The following ABCA10 variants were observed in gnomAD, a reference collection of about 807,000 sequenced individuals.
The protein encoded by ABCA10 is ATP binding cassette subfamily A member 10, also known as ATP-binding cassette sub-family A member 10.
In ABCA10, 169 loss-of-function variants were observed where a neutral mutation model predicts 187.5. The ratio of observed to expected loss-of-function variants is 0.90; its 90% CI spans 0.80 to 1.02. ABCA10 has a LOEUF of 1.02. Ranked by LOEUF, ABCA10 falls within the 50% of genes least tolerant of loss-of-function variation. The pLI is 0.00. For missense variants in ABCA10, 1,727 were observed against 1,812.4 expected, an observed-to-expected ratio of 0.95 and a Z score of 0.86; for synonymous variants, 574 against 601.8, an observed-to-expected ratio of 0.95 and a Z score of 0.68.
intron 31 of ABCA10, 102 bp from the exon 32 acceptor site, chr17:69,154,111 A>C: frequency 6.7e-7 from 1 of 1,484,316 alleles, no homozygotes; most frequent in Non-Finnish European, 9.1e-7. Flanking sequence ...TATTTTTTGA[A>C]TACGCAAGAG....
intron 17 of ABCA10, 59 bp from the exon 18 acceptor site, chr17:69,190,536 T>C: frequency 1.4e-6 from 2 of 1,409,992 alleles, no homozygotes; most frequent in Non-Finnish European, 1.9e-6. Context: ...TATATTAAAA[T>C]ACTAATTTCT....
chr17:69,185,592 C>A lies in ABCA10; in HGVS notation c.2382G>T (p.Met794Ile), dbSNP rs745488102. 2 of 1,612,836 alleles carry A rather than the reference C, an allele frequency of 1.2e-6. No homozygotes were observed. Among genetic ancestry groups the A allele is most frequent in the Non-Finnish European group, 1.7e-6 (2 of 1,179,040 alleles). ...AATGAGTTTCACGAGTTACTTTATA[C>A]ATTATCTTCTCTAGAATGATGGGGA... The part of the protein sequence containing the change: ...AFIPIILEKI[M>I]YKVTRETHCW... Residue 794 changes from methionine to isoleucine, a missense_variant, in exon 20 of 39, where the codon ATG (methionine) becomes ATT (isoleucine). Transcript: ENST00000690296.
At chr17:69,194,932 G>A (rs1267523840) in intron 11 of ABCA10, among the ~76,000 whole-genome samples, 4 of 152,200 alleles carry the variant, frequency 2.6e-5, no homozygotes, top group South Asian at 4.1e-4. Flanking sequence ...TTTCATATTC[G>A]GAGGGAGGTA....
chr17:69,239,261 C>T (rs1351722892), intron 1 of ABCA10, among the ~76,000 whole-genome samples: 1 of 152,110 alleles, frequency 6.6e-6, no homozygotes, highest in African/African-American at 2.4e-5. Context: ...AGTTAGGATT[C>T]TATCCTCTCA....
intron 25 of ABCA10, among the ~76,000 whole-genome samples, chr17:69,169,030 T>A (rs906065318): frequency 6.6e-5 from 10 of 152,180 alleles, no homozygotes; most frequent in African/African-American, 2.4e-4. Context: ...TCATGAACAT[T>A]TACTATTTAT....
chr17:69,169,212 G>C (rs967811986), intron 25 of ABCA10, among the ~76,000 whole-genome samples: 5 of 152,174 alleles, frequency 3.3e-5, no homozygotes, highest in Non-Finnish European at 7.3e-5. Flanking sequence ...GCTACTAAGT[G>C]CCAGACCACT....
chr17:69,155,767 C>T, intron 29 of ABCA10, 38 bp downstream of exon 29: 13 of 1,596,440 alleles, frequency 8.1e-6, no homozygotes, highest in Non-Finnish European at 1.1e-5. Flanking sequence ...GACAAACTAT[C>T]TGAGCATTTT....
intron 19 of ABCA10, among the ~76,000 whole-genome samples, chr17:69,186,547 C>A (rs189220000): frequency 1.3e-5 from 2 of 152,268 alleles, no homozygotes; most frequent in South Asian, 2.1e-4. Flanking sequence ...CTTTCTACTC[C>A]GCTCCACAGT....
At position 69,148,896 on chromosome 17, in the gene ABCA10, C is replaced by T; in HGVS notation, c.4563G>A (p.Glu1521=). The T allele has an allele frequency of 6.2e-7, 1 of 1,613,716 alleles. No homozygotes were observed. Among genetic ancestry groups the T allele is most frequent in the Admixed American group, 1.7e-5 (1 of 59,980 alleles). Residue 1521 remains glutamate (E), a synonymous_variant, in exon 39 of 39, where the codon GAG becomes GAA. Transcript: ENST00000690296. ...CAATTTTATCATCAACATTTCCCAG[C>T]TCCTGCTCTTTACAGAGTTCTAAGA... is the stretch of plus-strand genomic sequence containing the variant. ...QVFLELCKEQ[E]LGNVDDKIDT... is the part of the protein sequence containing the mutation.
chr17:69,153,601 A>C, intron 32 of ABCA10, 55 bp from the exon 33 acceptor site: 1 of 1,594,248 alleles, frequency 6.3e-7, no homozygotes, highest in East Asian at 2.2e-5. Context: ...GACCTATCTA[A>C]AACAACTGTA....
chr17:69,154,146 T>TCCC, intron 31 of ABCA10, 89 bp downstream of exon 31: 1 of 1,442,262 alleles, frequency 6.9e-7, no homozygotes, highest in Non-Finnish European at 9.3e-7. Flanking sequence ...CTTTCATCTA[T>TCCC]TTTTTAAAAA....
intron 9 of ABCA10, among the ~76,000 whole-genome samples, chr17:69,207,191 TAGCA>T (rs1188017271): frequency 2.6e-5 from 4 of 152,182 alleles, no homozygotes; most frequent in African/African-American, 9.7e-5. Flanking sequence ...CATAACGTGA[TAGCA>T]CCTCACATCT....
At chr17:69,151,601 A>C (rs1392038057) in intron 36 of ABCA10, among the ~76,000 whole-genome samples, 4 of 152,174 alleles carry the variant, frequency 2.6e-5, no homozygotes, top group Admixed American at 6.5e-5. Flanking sequence ...GGGAGGATCA[A>C]ATGATTTATA....
intron 1 of ABCA10, among the ~76,000 whole-genome samples, chr17:69,241,141 T>A (rs1370819206): frequency 1.3e-5 from 2 of 152,228 alleles, no homozygotes; most frequent in African/African-American, 4.8e-5. Flanking sequence ...TTGATGATAC[T>A]AGTAGAAGAT....
chr17:69,223,636 A>C (rs2074769468), intron 3 of ABCA10: 1 of 438,280 alleles, frequency 2.3e-6, no homozygotes, highest in Non-Finnish European at 4.5e-6. Flanking sequence ...ACCTTTCAAA[A>C]CTCCTCATCC....
upstream of ABCA10, among the ~76,000 whole-genome samples, chr17:69,230,705 CAGA>C (rs1176841202): frequency 6.6e-6 from 1 of 152,028 alleles, no homozygotes; most frequent in East Asian, 1.9e-4. Context: ...GGCAATTTGG[CAGA>C]AGTTTTCCTC....
chr17:69,240,962 C>G (rs1430762467), intron 1 of ABCA10, among the ~76,000 whole-genome samples: 1 of 152,196 alleles, frequency 6.6e-6, no homozygotes, highest in Admixed American at 6.5e-5. Flanking sequence ...CCCCCTGACT[C>G]TCAGCTTGTG....
At chr17:69,212,680 T>C (rs1315542000) in intron 9 of ABCA10, among the ~76,000 whole-genome samples, 1 of 152,238 alleles carries the variant, frequency 6.6e-6, no homozygotes, top group Admixed American at 6.5e-5. Context: ...TGTGACATTT[T>C]CCTGTTGGAC....
intron 9 of ABCA10, among the ~76,000 whole-genome samples, chr17:69,213,087 ATC>A (rs1192193844): frequency 2.6e-5 from 4 of 152,184 alleles, no homozygotes; most frequent in African/African-American, 7.2e-5. Flanking sequence ...TGGTAGAATT[ATC>A]TGTTGTTTTC....
Sources: gnomAD v4.1 joint callset for allele counts (sites outside exome capture counted in the v4.1 genomes callset) on GRCh38, gnomAD v4.1.1 for gene constraint, MANE v1.5 for transcripts, NCBI Gene and HGNC (gene_info 2026-07-23, HGNC 2026-07-21) for gene names.